The following MRO variants were observed in gnomAD, a reference collection of about 807,000 sequenced individuals.
MRO encodes protein maestro.
In MRO, 28 loss-of-function variants were observed where a neutral mutation model predicts 31.0. That is an observed-to-expected ratio of 0.90 (90% CI 0.67 to 1.24). MRO has a LOEUF of 1.24. MRO is among the 50% of genes most tolerant of loss of function. MRO has a pLI of 0.00. For missense variants in MRO, 332 were observed against 289.2 expected (o/e 1.15, Z -1.07); for synonymous variants, 108 against 108.4 (o/e 1.00, Z 0.02).
At chr18:50,800,229 T>C (rs1913167210) in intron 6 of MRO, 86 bp from the exon 7 acceptor site, 3 of 949,996 alleles carry the variant, frequency 3.2e-6, no homozygotes, top group Non-Finnish European at 4.7e-6. Flanking sequence ...TTGCACCCAA[T>C]CTGTGGTCAG....
intron 3 of MRO, among the ~76,000 whole-genome samples, chr18:50,807,153 G>A (rs951703167): frequency 1.4e-4 from 21 of 152,152 alleles, no homozygotes; most frequent in Admixed American, 1.4e-3. Flanking sequence ...AAGAGGACTT[G>A]ATCAGTGTTG....
At chr18:50,809,633 G>A (rs1247290910) in intron 2 of MRO, among the ~76,000 whole-genome samples, 1 of 152,114 alleles carries the variant, frequency 6.6e-6, no homozygotes, top group Non-Finnish European at 1.5e-5. Flanking sequence ...CTGCCCTCTA[G>A]TTCCCCACTC....
In MRO at chr18:50,801,413, T is replaced by G. The variant is rs752520157; in HGVS notation, c.521A>C (p.Gln174Pro). 2 of 1,611,586 alleles carry G rather than the reference T, an allele frequency of 1.2e-6. No homozygotes were observed. Among genetic ancestry groups the G allele is most frequent in the South Asian group, 2.2e-5 (2 of 90,710 alleles). Reference protein sequence around the residue: ...GRKWKKFFTSQVKQTRDSLLI... With the variant: ...GRKWKKFFTSPVKQTRDSLLI... ...GAGGGAATCTCGTGTCTGCTTAACC[T>G]GACTGGTGAAAAATTTTTTCCATTT... The change falls in exon 6 of 8, where the codon CAG becomes CCG. Residue 174 changes from glutamine to proline, a missense_variant. By Grantham distance (76) the Gln-to-Pro change is moderately conservative (BLOSUM62 -1). Transcript: ENST00000398439.
intron 2 of MRO, chr18:50,814,334 C>T (rs373008041): frequency 2.0e-5 from 3 of 151,702 alleles, no homozygotes; most frequent in Admixed American, 6.6e-5. Flanking sequence ...GCCCCCAGCC[C>T]GACTCGGGCC....
chr18:50,806,578 C>T (rs531113450), intron 4 of MRO, 126 bp downstream of exon 4: 37 of 1,148,194 alleles, frequency 3.2e-5, no homozygotes, highest in South Asian at 1.0e-4. Context: ...GCTAAGTGTG[C>T]GGTGGTTTGT....
chr18:50,818,096 A>C (rs1008667673), intron 2 of MRO, among the ~76,000 whole-genome samples: 2 of 150,790 alleles, frequency 1.3e-5, no homozygotes, highest in Non-Finnish European at 2.9e-5. Flanking sequence ...GATCATTCTC[A>C]TCTGTTGCAA....
intron 5 of MRO, among the ~76,000 whole-genome samples, chr18:50,803,100 A>G (rs374688387): frequency 4.6e-5 from 7 of 152,286 alleles, no homozygotes; most frequent in African/African-American, 1.7e-4. Context: ...CAGATAGTGA[A>G]GAGTGCTATC....
intron 2 of MRO, among the ~76,000 whole-genome samples, chr18:50,812,348 T>C (rs537648127): frequency 6.6e-6 from 1 of 152,296 alleles, no homozygotes; most frequent in Non-Finnish European, 1.5e-5. Context: ...CCTTTGCTCA[T>C]TGTCAGTTGG....
At chr18:50,821,407 A>C (rs17663385), upstream of MRO, among the ~76,000 whole-genome samples, 4,867 of 152,316 alleles carry the variant, frequency 0.032, 131 homozygotes, top group Non-Finnish European at 0.055. Flanking sequence ...AATTAGCTTT[A>C]ATCTTTTCAG....
At chr18:50,815,704 G>A in intron 2 of MRO, 1 of 446,944 alleles carries the variant, frequency 2.2e-6, no homozygotes, top group Non-Finnish European at 4.4e-6. Context: ...TCTGGTAGTG[G>A]AAATGGTGGA....
chr18:50,820,201 G>A, upstream of MRO: 1 of 572,066 alleles, frequency 1.7e-6, no homozygotes. Context: ...GGGACACTGT[G>A]TTCCATGCCA....
Position 50,801,337 on chromosome 18 carries a change from T to C in MRO, c.585+12A>G. On this transcript the variant is annotated intron_variant, in intron 6 of 7. Transcript: ENST00000398439. ...AGATGTCACTCTGTTGGTTGCAGAG[T>C]CAAGGTCTTACCTTGGCAACCTGGG... 1 of 1,557,204 alleles carries C rather than the reference T, an allele frequency of 6.4e-7. No individual in the cohort carries two copies. The highest frequency in any genetic ancestry group is 8.7e-7 in the Non-Finnish European group (1 of 1,148,404).
upstream of MRO, among the ~76,000 whole-genome samples, chr18:50,824,299 G>A (rs1041204635): frequency 2.0e-5 from 3 of 152,018 alleles, no homozygotes; most frequent in Non-Finnish European, 4.4e-5. Flanking sequence ...TAATTACCCA[G>A]GCAAGGTGGC....
chr18:50,801,314 A>G, intron 6 of MRO, 35 bp downstream of exon 6: 1 of 1,521,956 alleles, frequency 6.6e-7, no homozygotes, highest in Non-Finnish European at 8.9e-7. Flanking sequence ...TAGCATGGAG[A>G]TGTCACTCTG....
intron 5 of MRO, among the ~76,000 whole-genome samples, chr18:50,804,635 A>G (rs982221113): frequency 3.3e-5 from 5 of 152,094 alleles, no homozygotes; most frequent in African/African-American, 1.2e-4. Context: ...CAAACAGACA[A>G]AAAAACCCTT....
Position 50,806,870 on chromosome 18 carries a change from T to C in MRO, c.100-20A>G, listed in dbSNP as rs1295090302. On this transcript the variant is annotated intron_variant, in intron 3 of 7. Coordinates refer to ENST00000398439, the MANE Select transcript of MRO (RefSeq NM_031939.6). ...AGAGACCTGGGTGATGGGTCAAAAA[T>C]GTATTAATTTGGGAGTGTTCAGAGT... The C allele has an allele frequency of 6.2e-7, 1 of 1,613,422 alleles. No homozygotes were observed. The highest frequency in any genetic ancestry group is 1.1e-5 in the South Asian group (1 of 91,056).
At position 50,805,345 on chromosome 18, in the gene MRO, A is replaced by G. The variant is rs755437514; in HGVS notation, c.247-9T>C. The G allele has an allele frequency of 5.0e-6, 8 of 1,612,106 alleles. No individual in the cohort carries two copies. The South Asian group carries it at 7.7e-5, about 16-fold the overall frequency. ...TTCTTATACTTTCTCACCTGTCACC[A>G]AGGTTTGAAAAGCAGTAATAGCACA... On this transcript the variant is annotated splice_polypyrimidine_tract_variant and intron_variant, in intron 4 of 7. Transcript: ENST00000398439.
chr18:50,801,474 C>T lies in MRO; in HGVS notation c.460G>A (p.Val154Ile), dbSNP rs1913311574. 2 of 1,609,754 alleles carry T rather than the reference C, an allele frequency of 1.2e-6. No homozygotes were observed. The highest frequency in any genetic ancestry group is 8.5e-7 in the Non-Finnish European group (1 of 1,178,202). ...AAGGCAGCCAATTGCCCAAACAAAACAAAGGCCGAGTATCTCAGACTGTCG... is the reference window on the plus strand; with the variant it reads ...AAGGCAGCCAATTGCCCAAACAAAATAAAGGCCGAGTATCTCAGACTGTCG... ...ENDSLRYSAF[V>I]LFGQLAAFAG... Residue 154 changes from valine (V) to isoleucine (I), a missense_variant, in exon 6 of 8, where the codon GTT becomes ATT. Physicochemically the swap from Val to Ile is conservative, Grantham distance 29. Transcript: ENST00000398439.
At chr18:50,814,457 C>T (rs182205512) in intron 2 of MRO, 6,059 of 165,062 alleles carry the variant, frequency 0.037, 148 homozygotes, top group Non-Finnish European at 0.05. Context: ...TTTGAAACTA[C>T]AGAGGCCCGT....
Sources: gnomAD v4.1 joint callset for allele counts (sites outside exome capture counted in the v4.1 genomes callset) on GRCh38, gnomAD v4.1.1 for gene constraint, MANE v1.5 for transcripts, NCBI Gene and HGNC (gene_info 2026-07-23, HGNC 2026-07-21) for gene names.